MICAL2: variants seen among roughly 807,000 people sequenced by gnomAD.
MICAL2 encodes microtubule associated monooxygenase, calponin and LIM domain containing 2.
Under a neutral mutation model 127.3 loss-of-function variants are expected in MICAL2, and 77 were observed. That is an observed-to-expected ratio of 0.60 (90% CI 0.50 to 0.73). MICAL2 has a LOEUF of 0.73. MICAL2 is among the 30% of genes least tolerant of loss of function. The probability of loss-of-function intolerance (pLI) is 0.00; values close to 1 mark genes in which losing one functional copy is unlikely to be tolerated. For missense variants in MICAL2, 1,351 were observed against 1,434.4 expected (o/e 0.94, Z 0.94); for synonymous variants, 570 against 551.1 (o/e 1.03, Z -0.48).
At chr11:12,343,313 CAGG>C (rs1475161623) in intron 32 of MICAL2, among the ~76,000 whole-genome samples, 1 of 148,166 alleles carries the variant, frequency 6.7e-6, no homozygotes, top group Non-Finnish European at 1.5e-5. Flanking sequence ...GAGGCTGAGG[CAGG>C]AGAATTGCTT....
intron 2 of MICAL2, among the ~76,000 whole-genome samples, chr11:12,156,901 C>T (rs965581899): frequency 6.6e-6 from 1 of 152,250 alleles, no homozygotes; most frequent in Non-Finnish European, 1.5e-5. Flanking sequence ...GGGAACACCC[C>T]ACTTCATCGC....
At chr11:12,154,052 C>T (rs1293393086) in intron 2 of MICAL2, among the ~76,000 whole-genome samples, 4 of 152,148 alleles carry the variant, frequency 2.6e-5, no homozygotes, top group Admixed American at 6.5e-5. Context: ...CAATGCCTTT[C>T]CCATTCTGCT....
chr11:12,336,815 G>C (rs1194652515), intron 32 of MICAL2, among the ~76,000 whole-genome samples: 1 of 152,112 alleles, frequency 6.6e-6, no homozygotes, highest in African/African-American at 2.4e-5. Context: ...ACTTGATCAT[G>C]GTGGATAAGC....
At chr11:12,297,148 T>A (rs191001435), downstream of MICAL2, among the ~76,000 whole-genome samples, 2 of 152,302 alleles carry the variant, frequency 1.3e-5, no homozygotes, top group African/African-American at 4.8e-5. Flanking sequence ...CATCACAGTG[T>A]GCTTGTTCAC....
intron 29 of MICAL2, among the ~76,000 whole-genome samples, chr11:12,313,961 AT>A (rs60681621): frequency 1.1e-3 from 48 of 43,774 alleles, no homozygotes; most frequent in African/African-American, 2.2e-3. Context: ...TCTTGGTCTG[AT>A]TTTTTTTTTT....
At chr11:12,152,985 T>C (rs1397216565) in intron 2 of MICAL2, among the ~76,000 whole-genome samples, 2 of 152,116 alleles carry the variant, frequency 1.3e-5, no homozygotes, top group East Asian at 1.9e-4. Context: ...ATTATTGTTT[T>C]TGTGGTAAAA....
At chr11:12,356,016 C>G (rs540407639) in intron 34 of MICAL2, among the ~76,000 whole-genome samples, 2 of 152,090 alleles carry the variant, frequency 1.3e-5, no homozygotes, top group Non-Finnish European at 2.9e-5. Flanking sequence ...ATATACCTAA[C>G]TTAATAAACC....
At chr11:12,256,029 G>C in intron 23 of MICAL2, 1 of 384,934 alleles carries the variant, frequency 2.6e-6, no homozygotes, top group Non-Finnish European at 4.7e-6. Context: ...GCCCAGGTGA[G>C]GCCGTGAGCA....
intron 26 of MICAL2, chr11:12,262,013 T>G (rs1863183447): frequency 1.0e-6 from 1 of 1,002,154 alleles, no homozygotes. Flanking sequence ...TCGGAATCTC[T>G]GACTGTCGTG....
At chr11:12,322,748 CA>C (rs779466764) in intron 30 of MICAL2, among the ~76,000 whole-genome samples, 1 of 151,872 alleles carries the variant, frequency 6.6e-6, no homozygotes, top group Non-Finnish European at 1.5e-5. Flanking sequence ...CTCCTACACA[CA>C]AAAATCATAA....
Position 12,262,256 on chromosome 11 carries a change from A to G in MICAL2, c.3335-224A>G, listed in dbSNP as rs527877514. 5.2e-5 allele frequency: 74 copies of G among 1,410,002 alleles called. No individual in the cohort carries two copies. In the African/African-American group the frequency reaches 9.1e-4, roughly 17 times the overall value. 87.3% of individuals were successfully genotyped at this position (1,410,002 alleles called of 1,614,324 possible). A position where few individuals can be genotyped will look rare whatever the true frequency, so the allele number is the denominator to read the frequency against. On this transcript the variant is annotated intron_variant, in intron 26 of 27. Coordinates refer to ENST00000683283, the MANE Select transcript of MICAL2 (RefSeq NM_001282663.2). ...GAGGATATCAGGGAGCAAGATGCAA[A>G]CTGTGTGCATCCACTCTCGTAAACA...
chr11:12,191,387 G>A (rs1174532862), intron 3 of MICAL2, among the ~76,000 whole-genome samples: 1 of 151,294 alleles, frequency 6.6e-6, no homozygotes, highest in Non-Finnish European at 1.5e-5. Flanking sequence ...CAGGAGAGTT[G>A]CTTGAACCTG....
At chr11:12,261,993 GA>G (rs1863179443) in intron 26 of MICAL2, 1 of 1,000,876 alleles carries the variant, frequency 1.0e-6, no homozygotes, top group Non-Finnish European at 1.2e-6. Flanking sequence ...AGTGTTCCAT[GA>G]AGCCCGAGTC....
intron 3 of MICAL2, among the ~76,000 whole-genome samples, chr11:12,183,421 C>A (rs1324223846): frequency 6.6e-6 from 1 of 152,166 alleles, no homozygotes; most frequent in Non-Finnish European, 1.5e-5. Flanking sequence ...ATGTCCTCCC[C>A]CTTGTCCTGG....
chr11:12,259,712 A>G (rs958178347), intron 25 of MICAL2, 83 bp from the exon 26 acceptor site: 11 of 1,271,346 alleles, frequency 8.7e-6, no homozygotes, highest in Non-Finnish European at 1.2e-5. Context: ...TGGCGAGTTC[A>G]GTTTGTATTG....
Position 12,207,943 on chromosome 11 carries a change from G to T in MICAL2, c.473-80G>T, listed in dbSNP as rs1489041175. 3.8e-6 allele frequency: 4 copies of T among 1,060,998 alleles called. No individual in the cohort carries two copies. The Admixed American group carries it at 6.8e-5, about 18-fold the overall frequency. The allele number at this position is 1,060,998 out of a possible 1,614,324, so 65.7% of individuals were successfully genotyped here. A position where few individuals can be genotyped will look rare whatever the true frequency, so the allele number is the denominator to read the frequency against. The stretch of plus-strand genomic sequence containing the variant: ...TGCTGTGCTCAAAGGTCACTGAGCG[G>T]CAGTGATTATGTAGCATTCTGCATA... On this transcript the variant is annotated intron_variant, in intron 4 of 27. Transcript: ENST00000683283.
At chr11:12,311,940 T>G (rs999601783) in intron 29 of MICAL2, among the ~76,000 whole-genome samples, 1 of 152,006 alleles carries the variant, frequency 6.6e-6, no homozygotes, top group Admixed American at 6.5e-5. Context: ...CATTTTCTAT[T>G]TCTTCTTGTG....
intron 29 of MICAL2, among the ~76,000 whole-genome samples, chr11:12,315,807 C>G (rs1007834439): frequency 6.6e-6 from 1 of 152,140 alleles, no homozygotes; most frequent in African/African-American, 2.4e-5. Context: ...CTTATTCTAT[C>G]AATTTCCAAG....
intron 2 of MICAL2, among the ~76,000 whole-genome samples, chr11:12,148,731 G>C (rs559568478): frequency 1.3e-5 from 2 of 152,334 alleles, no homozygotes; most frequent in South Asian, 4.1e-4. Context: ...AGTCAGGTGA[G>C]GTAGGAGGGG....
Sources: allele counts gnomAD v4.1 joint callset (sites outside exome capture counted in the v4.1 genomes callset), GRCh38; gene constraint gnomAD v4.1.1; transcripts MANE v1.5; gene names NCBI Gene and HGNC (gene_info 2026-07-23, HGNC 2026-07-21).